The following CSMD1 variants were observed in gnomAD, a reference collection of about 807,000 sequenced individuals.
The protein encoded by CSMD1 is CUB and sushi domain-containing protein 1.
Under a neutral mutation model 417.5 loss-of-function variants are expected in CSMD1, and 213 were observed. The ratio of observed to expected loss-of-function variants is 0.51; its 90% CI spans 0.46 to 0.57. The LOEUF is 0.57. Among genes scored for constraint, CSMD1 ranks in the 20% least tolerant of loss-of-function variants. The pLI, the probability that CSMD1 is intolerant of heterozygous loss-of-function variation, is 0.00. For synonymous variants in CSMD1, 2,862 were observed against 1,736.8 expected, an observed-to-expected ratio of 1.65 and a Z score of -16.11; for missense variants, 6,923 against 4,529.7, an observed-to-expected ratio of 1.53 and a Z score of -15.17.
chr8:3,047,574 T>A lies in CSMD1; in HGVS notation c.7660+4888A>T, dbSNP rs750319753. Among the ~76,000 whole-genome samples, 52 of 152,304 alleles carry A rather than the reference T, an allele frequency of 3.4e-4. 1 individual carries two copies. The highest frequency in any genetic ancestry group is 1.2e-3 in the African/African-American group (51 of 41,566). On this transcript the variant is annotated intron_variant, in intron 50 of 69. Coordinates refer to ENST00000635120, the MANE Select transcript of CSMD1 (RefSeq NM_033225.6). ...CTCGCTGTGCCCATGGAACTCACCA[T>A]CTCACATGCTGTCCTGATGGAATCC...
chr8:4,910,354 G>A (rs1320020022), intron 1 of CSMD1, among the ~76,000 whole-genome samples: 1 of 152,158 alleles, frequency 6.6e-6, no homozygotes, highest in African/African-American at 2.4e-5. Flanking sequence ...AGTCAATTTT[G>A]GCTGCTATAA....
At chr8:4,232,797 G>C (rs1027544169) in intron 3 of CSMD1, among the ~76,000 whole-genome samples, 11 of 152,178 alleles carry the variant, frequency 7.2e-5, no homozygotes, top group African/African-American at 1.9e-4. Context: ...TGAATTGAAT[G>C]TCAGGTGCCT....
chr8:4,320,564 T>C (rs908965069), intron 3 of CSMD1, among the ~76,000 whole-genome samples: 1 of 151,974 alleles, frequency 6.6e-6, no homozygotes, highest in African/African-American at 2.4e-5. Flanking sequence ...TGTGTCCATG[T>C]GTTCTCTTTG....
At chr8:3,652,823 T>G (rs1307928212) in intron 7 of CSMD1, among the ~76,000 whole-genome samples, 1 of 152,176 alleles carries the variant, frequency 6.6e-6, no homozygotes, top group South Asian at 2.1e-4. Flanking sequence ...GGGCAAGACT[T>G]TGTTTTGCTC....
chr8:4,855,969 C>T (rs1028398067), intron 1 of CSMD1, among the ~76,000 whole-genome samples: 32 of 151,032 alleles, frequency 2.1e-4, no homozygotes, highest in African/African-American at 7.1e-4. Flanking sequence ...TTGTCAGATT[C>T]ACCAAAGTTG....
At chr8:4,837,240 G>C (rs1414473823) in intron 1 of CSMD1, among the ~76,000 whole-genome samples, 1 of 152,082 alleles carries the variant, frequency 6.6e-6, no homozygotes, top group Non-Finnish European at 1.5e-5. Context: ...ATATCATCTA[G>C]TTGGGCATAT....
At chr8:4,152,168 A>T (rs1796602520) in intron 3 of CSMD1, among the ~76,000 whole-genome samples, 1 of 152,192 alleles carries the variant, frequency 6.6e-6, no homozygotes, top group Non-Finnish European at 1.5e-5. Context: ...AATTTATAAA[A>T]CTGTAGCTAA....
chr8:4,723,787 T>TAAAAAAAAAAAAAAAAAAA (rs57096241), intron 1 of CSMD1, among the ~76,000 whole-genome samples: 5 of 131,488 alleles, frequency 3.8e-5, no homozygotes, highest in African/African-American at 1.2e-4. Flanking sequence ...CTTTCGAATG[T>TAAAAAAAAAAAAAAAAAAA]AAAAAAAAAA....
chr8:4,319,915 A>C (rs946537030), intron 3 of CSMD1, among the ~76,000 whole-genome samples: 1 of 152,174 alleles, frequency 6.6e-6, no homozygotes, highest in African/African-American at 2.4e-5. Flanking sequence ...ACCGGAAAGC[A>C]GTAGGGAGTC....
chr8:3,905,149 T>C (rs1044039051), intron 5 of CSMD1, among the ~76,000 whole-genome samples: 1 of 152,172 alleles, frequency 6.6e-6, no homozygotes, highest in African/African-American at 2.4e-5. Flanking sequence ...TCCTTCCATT[T>C]AAAGAATGAT....
chr8:4,303,094 G>C (rs755163218), intron 3 of CSMD1, among the ~76,000 whole-genome samples: 13 of 152,018 alleles, frequency 8.6e-5, no homozygotes, highest in Non-Finnish European at 1.9e-4. Flanking sequence ...CAATTTTTGA[G>C]TAATTTAAAA....
At chr8:4,669,663 G>T (rs1585422965) in intron 1 of CSMD1, among the ~76,000 whole-genome samples, 2 of 152,112 alleles carry the variant, frequency 1.3e-5, no homozygotes, top group South Asian at 4.1e-4. Flanking sequence ...ACATTTTATA[G>T]TATGAAGCTG....
At chr8:4,419,649 A>G (rs76872288) in intron 3 of CSMD1, among the ~76,000 whole-genome samples, 11,443 of 152,254 alleles carry the variant, frequency 0.075, 506 homozygotes, top group African/African-American at 0.11. Context: ...ACTCTTTACC[A>G]CGTAAGAGGG....
At chr8:3,705,798 G>C (rs12544198) in intron 7 of CSMD1, among the ~76,000 whole-genome samples, 140,493 of 152,220 alleles carry the variant, frequency 0.92, 64,902 homozygotes, top group East Asian at 0.99. Flanking sequence ...GAGGAACCCA[G>C]ATCTTGGGGT....
At chr8:4,898,970 A>T (rs1263202737) in intron 1 of CSMD1, among the ~76,000 whole-genome samples, 2 of 152,202 alleles carry the variant, frequency 1.3e-5, no homozygotes, top group Non-Finnish European at 2.9e-5. Context: ...TATTTTTAAT[A>T]TTACGGTAAT....
At chr8:3,246,698 C>T (rs939530482) in intron 26 of CSMD1, among the ~76,000 whole-genome samples, 1 of 152,194 alleles carries the variant, frequency 6.6e-6, no homozygotes, top group Non-Finnish European at 1.5e-5. Flanking sequence ...CCTCGAACTC[C>T]TGACCTCAGG....
chr8:4,416,814 G>T (rs778797319), intron 3 of CSMD1, among the ~76,000 whole-genome samples: 1 of 152,006 alleles, frequency 6.6e-6, no homozygotes, highest in Admixed American at 6.6e-5. Context: ...TGATGACAAA[G>T]TAATATTTTT....
intron 1 of CSMD1, among the ~76,000 whole-genome samples, chr8:4,686,732 G>C (rs541941250): frequency 6.6e-6 from 1 of 152,226 alleles, no homozygotes; most frequent in East Asian, 1.9e-4. Context: ...ATTTTGTCAT[G>C]GGGGCCTCAG....
intron 1 of CSMD1, among the ~76,000 whole-genome samples, chr8:4,937,117 G>C (rs1008748177): frequency 1.3e-5 from 2 of 152,194 alleles, no homozygotes; most frequent in African/African-American, 4.8e-5. Flanking sequence ...GGAGGCTGAA[G>C]GTGGAGGACT....
Sources: gnomAD v4.1 joint callset for allele counts (sites outside exome capture counted in the v4.1 genomes callset) on GRCh38, gnomAD v4.1.1 for gene constraint, MANE v1.5 for transcripts, NCBI Gene and HGNC (gene_info 2026-07-23, HGNC 2026-07-21) for gene names.